Variants in KCTD16 observed in about 807,000 individuals in gnomAD.
KCTD16 encodes potassium channel tetramerization domain containing 16.
KCTD16 carries 13 observed loss-of-function variants against 33.2 expected under a neutral mutation model. The observed-to-expected ratio is 0.39, with a 90% confidence interval of 0.25 to 0.62. KCTD16 has a LOEUF of 0.62. Ranked by LOEUF, KCTD16 falls within the 20% of genes least tolerant of loss-of-function variation. KCTD16 has a pLI of 0.50. For synonymous variants in KCTD16, 197 were observed against 195.3 expected (o/e 1.01, Z -0.07); for missense variants, 441 against 525.1 (o/e 0.84, Z 1.57).
Position 144,483,840 on chromosome 5 carries a change from A to G in KCTD16, c.*9726A>G, listed in dbSNP as rs768596321. The G allele has an allele frequency of 3.3e-5, 5 of 151,952 alleles. No homozygotes were observed. The highest frequency in any genetic ancestry group is 1.3e-4 in the Admixed American group (2 of 15,228). The allele number at this position is 151,952 out of a possible 1,614,324, so 9.4% of individuals were successfully genotyped here. Reference sequence around the variant, plus strand: ...TGCCCACACAACAGAAGCACTTGTAAACTAATTAAGCACGGTCACTGAATC... The same window carrying G: ...TGCCCACACAACAGAAGCACTTGTAGACTAATTAAGCACGGTCACTGAATC... On this transcript the variant is annotated 3_prime_UTR_variant, in exon 4 of 4. Transcript: ENST00000512467.
At chr5:144,178,425 G>A (rs1036001494) in intron 2 of KCTD16, among the ~76,000 whole-genome samples, 1 of 151,934 alleles carries the variant, frequency 6.6e-6, no homozygotes, top group East Asian at 1.9e-4. Context: ...TTTAAATGAG[G>A]TTTATTTTAT....
chr5:144,424,089 G>A (rs564711640), intron 3 of KCTD16, among the ~76,000 whole-genome samples: 3 of 152,212 alleles, frequency 2.0e-5, no homozygotes, highest in African/African-American at 7.2e-5. Context: ...AGTTGGGACC[G>A]GCAACTCAGA....
Position 144,206,855 on chromosome 5 carries a change from T to G in KCTD16, c.141T>G (p.Pro47=), listed in dbSNP as rs945805371. The G allele has an allele frequency of 6.2e-7, 1 of 1,614,144 alleles. No homozygotes were observed. Residue 47 remains proline, a synonymous_variant, in exon 3 of 4, where the codon CCT becomes CCG. Coordinates refer to ENST00000512467, the MANE Select transcript of KCTD16 (RefSeq NM_020768.4). ...FTRHSTLISI[P]HSLLWKMFSP... is the part of the protein sequence containing the mutation. The stretch of plus-strand genomic sequence containing the variant: ...GCCATTCCACATTGATAAGCATCCC[T>G]CATTCCCTCCTGTGGAAAATGTTTT...
At chr5:144,296,653 C>T (rs192707765) in intron 3 of KCTD16, among the ~76,000 whole-genome samples, 19 of 152,012 alleles carry the variant, frequency 1.2e-4, no homozygotes, top group East Asian at 1.2e-3. Flanking sequence ...CTAGAGAATT[C>T]GTCATCCTCT....
At chr5:144,317,770 T>A (rs1436153718) in intron 3 of KCTD16, among the ~76,000 whole-genome samples, 3 of 152,194 alleles carry the variant, frequency 2.0e-5, no homozygotes, top group Non-Finnish European at 4.4e-5. Context: ...GTTCCTCCAT[T>A]CTGACTTTGT....
intron 2 of KCTD16, among the ~76,000 whole-genome samples, chr5:144,200,274 T>G (rs2126785177): frequency 6.6e-6 from 1 of 152,272 alleles, no homozygotes; most frequent in Admixed American, 6.5e-5. Flanking sequence ...TTCATTTGTA[T>G]TTTATGACAG....
At chr5:144,259,656 T>A (rs1754952238) in intron 3 of KCTD16, among the ~76,000 whole-genome samples, 2 of 152,338 alleles carry the variant, frequency 1.3e-5, no homozygotes, top group Admixed American at 1.3e-4. Flanking sequence ...TATTGTAACC[T>A]GCTTTGCACT....
chr5:144,326,545 A>T (rs994310332), intron 3 of KCTD16, among the ~76,000 whole-genome samples: 2 of 152,178 alleles, frequency 1.3e-5, no homozygotes, highest in African/African-American at 2.4e-5. Context: ...ACTGTTTCAC[A>T]TATAAAACAA....
chr5:144,260,643 G>T (rs978794886), intron 3 of KCTD16, among the ~76,000 whole-genome samples: 7 of 152,120 alleles, frequency 4.6e-5, no homozygotes, highest in African/African-American at 9.7e-5. Context: ...GGTCCAAAAA[G>T]ACATAAATGA....
chr5:144,449,086 G>A (rs1042870390), intron 3 of KCTD16, among the ~76,000 whole-genome samples: 1 of 151,958 alleles, frequency 6.6e-6, no homozygotes, highest in Non-Finnish European at 1.5e-5. Flanking sequence ...CTGATTTTCT[G>A]CAATCAATAT....
chr5:144,466,959 TATATATATTATATATAATATATATAAC>T (rs1754345878), intron 3 of KCTD16, among the ~76,000 whole-genome samples: 5 of 131,896 alleles, frequency 3.8e-5, no homozygotes, highest in South Asian at 2.2e-4. Context: ...CTATATATAT[TATATATATTATATATAATATATATAAC>T]ACTATATATA....
intron 3 of KCTD16, among the ~76,000 whole-genome samples, chr5:144,218,168 C>A (rs1206485759): frequency 6.6e-6 from 1 of 152,050 alleles, no homozygotes. Flanking sequence ...TGAACAGAAG[C>A]ATATGGTCAT....
chr5:144,245,401 A>T (rs1364092292), intron 3 of KCTD16, among the ~76,000 whole-genome samples: 1 of 152,254 alleles, frequency 6.6e-6, no homozygotes, highest in African/African-American at 2.4e-5. Flanking sequence ...GACTTTAAGT[A>T]TAGGAGTTAA....
At chr5:144,282,364 AT>A (rs146636203) in intron 3 of KCTD16, among the ~76,000 whole-genome samples, 8,786 of 149,184 alleles carry the variant, frequency 0.059, 843 homozygotes, top group African/African-American at 0.2. Flanking sequence ...TGCCTTATCC[AT>A]TTTTTTTTTA....
At chr5:144,400,053 A>C (rs773120782) in intron 3 of KCTD16, among the ~76,000 whole-genome samples, 4 of 152,164 alleles carry the variant, frequency 2.6e-5, no homozygotes, top group Non-Finnish European at 4.4e-5. Flanking sequence ...TACTTCCTAA[A>C]TATATTGATT....
At chr5:144,426,960 CT>C (rs930623135) in intron 3 of KCTD16, among the ~76,000 whole-genome samples, 15 of 152,108 alleles carry the variant, frequency 9.9e-5, no homozygotes, top group Non-Finnish European at 1.6e-4. Context: ...AACCATATTA[CT>C]TTTTCCATTG....
intron 3 of KCTD16, among the ~76,000 whole-genome samples, chr5:144,296,042 A>G (rs971788426): frequency 6.6e-6 from 1 of 152,202 alleles, no homozygotes; most frequent in Non-Finnish European, 1.5e-5. Flanking sequence ...TAATTTGTCA[A>G]TGTAGCAATA....
intron 2 of KCTD16, among the ~76,000 whole-genome samples, chr5:144,192,634 C>A (rs550440137): frequency 6.6e-6 from 1 of 152,314 alleles, no homozygotes; most frequent in South Asian, 2.1e-4. Flanking sequence ...GTGGCTTTTT[C>A]ATTTATGACA....
At chr5:144,263,584 C>T (rs72800584) in intron 3 of KCTD16, among the ~76,000 whole-genome samples, 6 of 152,082 alleles carry the variant, frequency 3.9e-5, no homozygotes, top group Non-Finnish European at 7.4e-5. Context: ...ATATAAAATT[C>T]AACATTTAAT....
Sources: gnomAD v4.1 joint callset for allele counts (sites outside exome capture counted in the v4.1 genomes callset) on GRCh38, gnomAD v4.1.1 for gene constraint, MANE v1.5 for transcripts, NCBI Gene and HGNC (gene_info 2026-07-23, HGNC 2026-07-21) for gene names.